USH2A: variants seen among roughly 807,000 people sequenced by gnomAD.
The protein encoded by USH2A is Usher syndrome 2A (autosomal recessive, mild).
Under a neutral mutation model 538.9 loss-of-function variants are expected in USH2A, and 443 were observed. The ratio of observed to expected loss-of-function variants is 0.82; its 90% CI spans 0.76 to 0.89. The LOEUF is 0.89. Ranked by LOEUF, USH2A falls within the 40% of genes least tolerant of loss-of-function variation. The pLI is 0.00. For missense variants in USH2A, 6,633 were observed against 6,324.8 expected (o/e 1.05, Z -1.65); for synonymous variants, 2,413 against 2,273.5 (o/e 1.06, Z -1.75).
Position 215,733,118 on chromosome 1 carries a change from G to A in USH2A, c.11712-4734C>T, listed in dbSNP as rs1571631376. Reference sequence around the variant, plus strand: ...TGGCATCTGCTTATGAGAGACTCAGGAAGCTTACAACTATGATGGAAGGTG... The same window carrying A: ...TGGCATCTGCTTATGAGAGACTCAGAAAGCTTACAACTATGATGGAAGGTG... On this transcript the variant is annotated intron_variant, in intron 60 of 71. Transcript: ENST00000307340. 2.1e-5 allele frequency among the ~76,000 whole-genome samples: 3 copies of A among 143,776 alleles called. No individual in the cohort carries two copies. The East Asian group carries it at 6.3e-4, about 30-fold the overall frequency. 94.3% of individuals were successfully genotyped at this position (143,776 alleles called of 152,430 possible).
At chr1:216,217,817 C>CT (rs1212660878) in intron 14 of USH2A, among the ~76,000 whole-genome samples, 4 of 151,970 alleles carry the variant, frequency 2.6e-5, no homozygotes, top group Non-Finnish European at 4.4e-5. Flanking sequence ...TATTATATTG[C>CT]TTTTTTACAT....
intron 4 of USH2A, among the ~76,000 whole-genome samples, chr1:216,356,995 T>G (rs1201776612): frequency 6.6e-6 from 1 of 152,142 alleles, no homozygotes; most frequent in African/African-American, 2.4e-5. Context: ...CCCAGTTTAA[T>G]AGTCAGATGT....
intron 37 of USH2A, among the ~76,000 whole-genome samples, chr1:215,935,876 C>CA (rs1214315349): frequency 6.6e-6 from 1 of 151,576 alleles, no homozygotes; most frequent in African/African-American, 2.4e-5. Context: ...TCTCTAAAAA[C>CA]AAAAAATTAA....
At chr1:216,077,986 G>C in intron 27 of USH2A, 103 bp downstream of exon 27, 1 of 1,435,122 alleles carries the variant, frequency 7.0e-7, no homozygotes, top group Non-Finnish European at 9.8e-7. Context: ...GTTGGGTGCT[G>C]CTTTTAGCCT....
intron 38 of USH2A, among the ~76,000 whole-genome samples, chr1:215,912,855 G>A (rs554690742): frequency 6.6e-6 from 1 of 151,876 alleles, no homozygotes; most frequent in Admixed American, 6.6e-5. Context: ...CCTTCTTTGT[G>A]TTCATGAATT....
intron 37 of USH2A, among the ~76,000 whole-genome samples, chr1:215,947,843 T>C (rs115007708): frequency 0.032 from 4,888 of 152,336 alleles, 123 homozygotes; most frequent in South Asian, 0.084. Context: ...TTTGATGGTA[T>C]CATAATTATT....
At chr1:215,729,581 G>A (rs1191667380) in intron 60 of USH2A, among the ~76,000 whole-genome samples, 1 of 151,874 alleles carries the variant, frequency 6.6e-6, no homozygotes, top group Non-Finnish European at 1.5e-5. Context: ...GCAGATTAAT[G>A]AAAATAACAT....
intron 13 of USH2A, among the ~76,000 whole-genome samples, chr1:216,238,993 T>C (rs1219525736): frequency 1.3e-5 from 2 of 152,088 alleles, no homozygotes; most frequent in African/African-American, 4.8e-5. Flanking sequence ...CACATTTTAC[T>C]GTGCACATTG....
chr1:216,019,995 A>T (rs549685824), intron 32 of USH2A, among the ~76,000 whole-genome samples: 6 of 152,202 alleles, frequency 3.9e-5, no homozygotes, highest in Non-Finnish European at 7.3e-5. Flanking sequence ...TATTTGGCCC[A>T]TTATAAGATA....
chr1:216,331,603 T>C lies in USH2A; in HGVS notation c.785-3949A>G, dbSNP rs2037864104. Among the ~76,000 whole-genome samples, 3 of 152,170 alleles carry C rather than the reference T, an allele frequency of 2.0e-5. No individual in the cohort carries two copies. The South Asian group carries it at 6.2e-4, about 32-fold the overall frequency. ...ATAGCATAATTATCTACTCAGAAAA[T>C]TTCCATGACTGTACATAAAAGCTAT... On this transcript the variant is annotated intron_variant, in intron 4 of 71. Transcript: ENST00000307340.
At chr1:216,053,963 C>T (rs1030716140) in intron 30 of USH2A, among the ~76,000 whole-genome samples, 2 of 152,140 alleles carry the variant, frequency 1.3e-5, no homozygotes, top group Non-Finnish European at 2.9e-5. Context: ...CATATGGCTC[C>T]AAACTCTGTG....
chr1:216,200,230 C>T (rs2034954675), intron 16 of USH2A, 109 bp from the exon 17 acceptor site: 1 of 1,156,572 alleles, frequency 8.6e-7, no homozygotes, highest in Admixed American at 2.6e-5. Context: ...CTATACCAAT[C>T]TACTCTTTTG....
chr1:215,787,462 C>T (rs1010014661), intron 51 of USH2A, among the ~76,000 whole-genome samples: 5 of 151,988 alleles, frequency 3.3e-5, no homozygotes, highest in South Asian at 2.1e-4. Context: ...TAATTATTTA[C>T]GCTTATAAAC....
Position 215,634,668 on chromosome 1 carries a change from A to G in USH2A, c.15088T>C (p.Ser5030Pro), listed in dbSNP as rs368042590. 6 of 1,614,096 alleles carry G rather than the reference A, an allele frequency of 3.7e-6. No individual in the cohort carries two copies. The highest frequency in any genetic ancestry group is 5.1e-6 in the Non-Finnish European group (6 of 1,180,054). The part of the protein sequence containing the change: ...VLTTPGKKKG[S>P]RSKSTEFYSE... Reference sequence around the variant, plus strand: ...TAGAACTCTGTGCTTTTGCTCCGCGATCCCTTCTTTTTCCCAGGAGTTGTT... The same window carrying G: ...TAGAACTCTGTGCTTTTGCTCCGCGGTCCCTTCTTTTTCCCAGGAGTTGTT... The change falls in exon 70 of 72, where the codon TCG (serine) becomes CCG (proline). Residue 5030 changes from serine to proline, a missense_variant. Physicochemically the swap from Ser to Pro is moderately conservative, Grantham distance 74. Transcript: ENST00000307340.
intron 58 of USH2A, among the ~76,000 whole-genome samples, chr1:215,748,307 T>C (rs989903021): frequency 6.6e-6 from 1 of 152,182 alleles, no homozygotes; most frequent in African/African-American, 2.4e-5. Context: ...GAACCTGTTA[T>C]TGGGCTTAGT....
At chr1:215,744,811 T>C (rs981055002) in intron 58 of USH2A, among the ~76,000 whole-genome samples, 3 of 152,182 alleles carry the variant, frequency 2.0e-5, no homozygotes, top group South Asian at 2.1e-4. Context: ...GGTGCTAGAT[T>C]GCGTTAAATT....
At chr1:216,075,945 A>C (rs980405643) in intron 27 of USH2A, among the ~76,000 whole-genome samples, 3 of 152,134 alleles carry the variant, frequency 2.0e-5, no homozygotes, top group Non-Finnish European at 4.4e-5. Context: ...AAAAGGAAAA[A>C]CGTTTTTAAG....
intron 15 of USH2A, among the ~76,000 whole-genome samples, chr1:216,215,870 C>T (rs1384550933): frequency 1.3e-5 from 2 of 152,000 alleles, no homozygotes; most frequent in Non-Finnish European, 2.9e-5. Context: ...TAAATGTCTA[C>T]CACTACTAAG....
intron 61 of USH2A, among the ~76,000 whole-genome samples, chr1:215,698,867 CT>C (rs1658906074): frequency 6.6e-6 from 1 of 152,230 alleles, no homozygotes; most frequent in Non-Finnish European, 1.5e-5. Context: ...GTTGCCATTG[CT>C]TTTGGTGTTT....
Sources: allele counts gnomAD v4.1 joint callset (sites outside exome capture counted in the v4.1 genomes callset), GRCh38; gene constraint gnomAD v4.1.1; transcripts MANE v1.5; gene names NCBI Gene and HGNC (gene_info 2026-07-23, HGNC 2026-07-21).